The following TENM2 variants were observed in gnomAD, a reference collection of about 807,000 sequenced individuals.
TENM2 encodes the protein teneurin transmembrane protein 2, also known as teneurin-2.
In TENM2, 52 loss-of-function variants were observed where a neutral mutation model predicts 245.2. The observed-to-expected ratio is 0.21, with a 90% CI of 0.17 to 0.27. The LOEUF (loss-of-function observed/expected upper bound fraction) is 0.27. TENM2 is among the 10% of genes least tolerant of loss of function. The pLI is 1.00. For missense variants in TENM2, 3,046 were observed against 3,666.8 expected (o/e 0.83, Z 4.37); for synonymous variants, 1,363 against 1,438.9 (o/e 0.95, Z 1.19).
At chr5:167,836,571 A>T (rs1291742042) in intron 2 of TENM2, among the ~76,000 whole-genome samples, 2 of 152,246 alleles carry the variant, frequency 1.3e-5, no homozygotes, top group South Asian at 2.1e-4. Flanking sequence ...ATAGAGAAAA[A>T]ATGTCACACT....
intron 3 of TENM2, among the ~76,000 whole-genome samples, chr5:167,894,678 T>C (rs745645760): frequency 6.6e-6 from 1 of 152,158 alleles, no homozygotes; most frequent in Non-Finnish European, 1.5e-5. Context: ...AACAGTGCCC[T>C]GCACTTAGTA....
intron 2 of TENM2, among the ~76,000 whole-genome samples, chr5:167,470,791 A>G (rs936372908): frequency 6.6e-6 from 1 of 152,098 alleles, no homozygotes; most frequent in African/African-American, 2.4e-5. Context: ...GCCATTTACA[A>G]TTCAGAAGAA....
intron 2 of TENM2, among the ~76,000 whole-genome samples, chr5:167,687,929 C>T (rs1006475020): frequency 3.3e-5 from 5 of 152,212 alleles, no homozygotes; most frequent in Non-Finnish European, 5.9e-5. Flanking sequence ...GCTTCCAGGA[C>T]TTTCTCTAGA....
At chr5:167,472,140 T>C (rs967302059) in intron 2 of TENM2, among the ~76,000 whole-genome samples, 1 of 152,112 alleles carries the variant, frequency 6.6e-6, no homozygotes, top group Non-Finnish European at 1.5e-5. Context: ...CAATTTTTGT[T>C]TCCACTGAAG....
At chr5:167,441,980 T>C (rs1052290671) in intron 2 of TENM2, among the ~76,000 whole-genome samples, 1 of 152,084 alleles carries the variant, frequency 6.6e-6, no homozygotes, top group African/African-American at 2.4e-5. Flanking sequence ...GGGCCTCGGG[T>C]TTTTGCTTTA....
At chr5:168,214,833 G>C (rs1223335592) in intron 20 of TENM2, 1 of 663,436 alleles carries the variant, frequency 1.5e-6, no homozygotes, top group Non-Finnish European at 2.8e-6. Flanking sequence ...TTTTCTAATA[G>C]CATAAGAAGC....
At position 167,952,952 on chromosome 5, in the gene TENM2, A is replaced by G. The variant is rs1583469853; in HGVS notation, c.947+130A>G. 9.7e-6 allele frequency: 7 copies of G among 724,142 alleles called. No homozygotes were observed. The East Asian group carries it at 1.9e-4, about 20-fold the overall frequency. 44.9% of individuals were successfully genotyped at this position (724,142 alleles called of 1,614,324 possible). ...TGGGTATAAATAATGAGACAAGTTT[A>G]CCACCTCCTTGTTCCCTTGGTAATT... On this transcript the variant is annotated intron_variant, in intron 4 of 28. Coordinates refer to ENST00000518659, the Ensembl canonical transcript of TENM2.
rs1289804622 is a variant in TENM2 at position 168,201,308 on chromosome 5, A to G, written c.3430+1177A>G. ...TGTGTGTGTATATATATATACACAC[A>G]TACATATATACAGATATATATATGT... On this transcript the variant is annotated intron_variant, in intron 17 of 28. Coordinates refer to ENST00000518659, the Ensembl canonical transcript of TENM2. 2.0e-5 allele frequency among the ~76,000 whole-genome samples: 3 copies of G among 152,000 alleles called. No individual in the cohort carries two copies. In the East Asian group the frequency reaches 5.8e-4, roughly 29 times the overall value.
intron 5 of TENM2, among the ~76,000 whole-genome samples, chr5:168,030,617 G>A (rs1787059336): frequency 6.6e-6 from 1 of 152,162 alleles, no homozygotes; most frequent in South Asian, 2.1e-4. Flanking sequence ...GCTTTTTGAG[G>A]GCAGGAGTGG....
the TENM2 span, among the ~76,000 whole-genome samples, chr5:167,230,697 A>G: frequency 3.3e-5 from 5 of 152,264 alleles, no homozygotes; most frequent in East Asian, 7.7e-4. Context: ...AGAACCAGAG[A>G]CAATGTTGAT....
At chr5:167,266,583 T>C in the TENM2 span, among the ~76,000 whole-genome samples, 1 of 152,204 alleles carries the variant, frequency 6.6e-6, no homozygotes, top group South Asian at 2.1e-4. Context: ...GATCCAAATC[T>C]AGGCTCTGCT....
chr5:167,343,075 A>G (rs1758225193), intron 1 of TENM2, among the ~76,000 whole-genome samples: 1 of 152,160 alleles, frequency 6.6e-6, no homozygotes, highest in Non-Finnish European at 1.5e-5. Flanking sequence ...GTTCCAAGTT[A>G]ATACTATTTT....
At chr5:168,068,753 A>G (rs1437570465) in intron 7 of TENM2, among the ~76,000 whole-genome samples, 6 of 152,150 alleles carry the variant, frequency 3.9e-5, no homozygotes, top group Non-Finnish European at 7.4e-5. Context: ...CAGACTGGAT[A>G]TAATTCCACA....
chr5:168,165,647 AACCCCC>A (rs1758185742), intron 13 of TENM2, among the ~76,000 whole-genome samples: 3 of 15,872 alleles, frequency 1.9e-4, no homozygotes, highest in African/African-American at 2.1e-4. Context: ...TCCCCCCCCC[AACCCCC>A]CCCCCCCCCC....
chr5:167,709,355 T>C (rs1758751882), intron 2 of TENM2, among the ~76,000 whole-genome samples: 1 of 152,240 alleles, frequency 6.6e-6, no homozygotes, highest in African/African-American at 2.4e-5. Flanking sequence ...TGTATCTATC[T>C]TATTTGAATT....
the TENM2 span, among the ~76,000 whole-genome samples, chr5:167,112,084 A>G: frequency 3.3e-5 from 5 of 152,234 alleles, no homozygotes; most frequent in Middle Eastern, 3.2e-3. Context: ...AATGATTGAC[A>G]GTGAACTTGC....
chr5:166,987,260 AGCCCC>A, the TENM2 span, among the ~76,000 whole-genome samples: 1 of 152,138 alleles, frequency 6.6e-6, no homozygotes, highest in Non-Finnish European at 1.5e-5. Context: ...GTGTTTATTA[AGCCCC>A]CATGGGGTGT....
intron 2 of TENM2, among the ~76,000 whole-genome samples, chr5:167,818,804 A>G (rs73803215): frequency 0.078 from 11,947 of 152,250 alleles, 559 homozygotes; most frequent in Middle Eastern, 0.12. Flanking sequence ...TTTAAACCCT[A>G]TTCAAAAAAT....
chr5:167,229,041 G>A, the TENM2 span, among the ~76,000 whole-genome samples: 31,549 of 152,006 alleles, frequency 0.21, 3,829 homozygotes, highest in African/African-American at 0.33. Flanking sequence ...TTTCACCCCC[G>A]CCACCCGAAG....
Sources: gnomAD v4.1 joint callset for allele counts (sites outside exome capture counted in the v4.1 genomes callset) on GRCh38, gnomAD v4.1.1 for gene constraint, MANE v1.5 for transcripts, NCBI Gene and HGNC (gene_info 2026-07-23, HGNC 2026-07-21) for gene names.